ZNF618: variants seen among roughly 807,000 people sequenced by gnomAD.
ZNF618 encodes the protein neural precursor cell expressed, developmentally down-regulated 10.
A neutral mutation model predicts 103.0 loss-of-function variants in ZNF618; 34 were observed. That is an observed-to-expected ratio of 0.33 (90% confidence interval 0.25 to 0.44). The LOEUF (loss-of-function observed/expected upper bound fraction) is 0.44, where lower values mean the gene tolerates loss of function less well. Ranked by LOEUF, ZNF618 falls within the 20% of genes least tolerant of loss-of-function variation. The probability of loss-of-function intolerance (pLI) is 1.00; values close to 1 mark genes in which losing one functional copy is unlikely to be tolerated. For missense variants in ZNF618, 1,059 were observed against 1,295.4 expected, an observed-to-expected ratio of 0.82 and a Z score of 2.80; for synonymous variants, 551 against 542.2, an observed-to-expected ratio of 1.02 and a Z score of -0.23.
At chr9:114,039,568 C>T (rs1844945161) in intron 13 of ZNF618, among the ~76,000 whole-genome samples, 1 of 152,074 alleles carries the variant, frequency 6.6e-6, no homozygotes, top group African/African-American at 2.4e-5. Context: ...CCAGGCTGGC[C>T]TTGAACTCCT....
intron 1 of ZNF618, among the ~76,000 whole-genome samples, chr9:113,943,587 T>C (rs1834741048): frequency 6.6e-6 from 1 of 151,472 alleles, no homozygotes; most frequent in Non-Finnish European, 1.5e-5. Context: ...TGGCCAGATC[T>C]TCTGATTTTT....
chr9:113,897,987 T>C (rs975898003), intron 1 of ZNF618, among the ~76,000 whole-genome samples: 2 of 152,052 alleles, frequency 1.3e-5, no homozygotes, highest in Non-Finnish European at 2.9e-5. Context: ...AAGACAGGAT[T>C]TTTCCATGTT....
rs1403607882 is a variant in ZNF618 at position 114,050,390 on chromosome 9, T to C, written c.*223T>C. 1 of 514,870 alleles carries C rather than the reference T, an allele frequency of 1.9e-6. No individual in the cohort carries two copies. The highest frequency in any genetic ancestry group is 2.0e-5 in the African/African-American group (1 of 51,006). The allele number at this position is 514,870 out of a possible 1,614,324, so 31.9% of individuals were successfully genotyped here. ...TGAACACGTGCTGTGGTTGTGGGGGTGTGGGGGGGTCTCTGTGCTCATCTC... is the reference window on the plus strand; with the variant it reads ...TGAACACGTGCTGTGGTTGTGGGGGCGTGGGGGGGTCTCTGTGCTCATCTC... On this transcript the variant is annotated 3_prime_UTR_variant, in exon 15 of 15. Coordinates refer to ENST00000374126, the MANE Select transcript of ZNF618 (RefSeq NM_001318042.2).
intron 1 of ZNF618, among the ~76,000 whole-genome samples, chr9:113,887,446 T>C (rs1297968851): frequency 6.6e-6 from 1 of 152,158 alleles, no homozygotes; most frequent in Non-Finnish European, 1.5e-5. Context: ...ACCAAAAGAT[T>C]CCAAATTCGT....
chr9:113,966,900 G>A (rs556692687), intron 1 of ZNF618, among the ~76,000 whole-genome samples: 1 of 152,190 alleles, frequency 6.6e-6, no homozygotes, highest in African/African-American at 2.4e-5. Flanking sequence ...TTATGAAAAT[G>A]GGTGGAAAAC....
intron 1 of ZNF618, among the ~76,000 whole-genome samples, chr9:113,968,372 A>G (rs969833780): frequency 2.0e-5 from 3 of 152,332 alleles, no homozygotes; most frequent in Admixed American, 2.0e-4. Context: ...TATGATTCTT[A>G]TTAGAAGTGT....
At chr9:114,002,110 G>A (rs149211364) in intron 5 of ZNF618, 37 bp downstream of exon 5, 44 of 1,579,542 alleles carry the variant, frequency 2.8e-5, no homozygotes, top group East Asian at 2.0e-4. Flanking sequence ...CCCAGGGGCC[G>A]CACCTCCCAC....
chr9:114,024,722 C>A (rs1843350674), intron 10 of ZNF618, among the ~76,000 whole-genome samples: 1 of 152,222 alleles, frequency 6.6e-6, no homozygotes, highest in South Asian at 2.1e-4. Flanking sequence ...TCACTCACTA[C>A]ACAGCCCCCC....
At chr9:114,040,443 C>CA (rs1845049597) in intron 13 of ZNF618, among the ~76,000 whole-genome samples, 1 of 151,834 alleles carries the variant, frequency 6.6e-6, no homozygotes, top group African/African-American at 2.4e-5. Context: ...CACCCATTAA[C>CA]TCGTCATTTA....
At position 113,911,385 on chromosome 9, in the gene ZNF618, A is replaced by G. The variant is rs561659221; in HGVS notation, c.33+34972A>G. Among the ~76,000 whole-genome samples the G allele has an allele frequency of 5.9e-5, 9 of 151,788 alleles. No individual in the cohort carries two copies. The East Asian group carries it at 1.4e-3, about 23-fold the overall frequency. ...CTCTAGTCACCCAGGCTAGAGTACA[A>G]TGGTGCAATCTCGGCTCACTGCAAC... On this transcript the variant is annotated intron_variant, in intron 1 of 14. Coordinates refer to ENST00000374126, the MANE Select transcript of ZNF618 (RefSeq NM_001318042.2).
chr9:113,955,649 G>A (rs552552851), intron 1 of ZNF618, among the ~76,000 whole-genome samples: 2 of 151,776 alleles, frequency 1.3e-5, no homozygotes, highest in South Asian at 2.1e-4. Context: ...TTGAGTTTGA[G>A]CATGTGTTCC....
intron 1 of ZNF618, among the ~76,000 whole-genome samples, chr9:113,965,427 C>G (rs1468235958): frequency 6.6e-6 from 1 of 152,050 alleles, no homozygotes. Context: ...TAGCCTTGCC[C>G]AGGTCCTGAG....
chr9:113,901,378 G>A (rs1830536151), intron 1 of ZNF618, among the ~76,000 whole-genome samples: 1 of 152,218 alleles, frequency 6.6e-6, no homozygotes, highest in Non-Finnish European at 1.5e-5. Flanking sequence ...TGCGGACTTG[G>A]CCAGCCCGGT....
rs113807453 is a variant in ZNF618, at chr9:113,952,608, G to A, written c.34-16509G>A. On this transcript the variant is annotated intron_variant, in intron 1 of 14. Transcript: ENST00000374126. ...TGGGGCCAGATAAGCTTGGGTTCAAGTCCAGGCCCTGCTGCTAACTAGCTG... is the reference window on the plus strand; with the variant it reads ...TGGGGCCAGATAAGCTTGGGTTCAAATCCAGGCCCTGCTGCTAACTAGCTG... 7.0e-3 allele frequency among the ~76,000 whole-genome samples: 1,062 copies of A among 152,358 alleles called. 15 individuals carry two copies. Among genetic ancestry groups the A allele is most frequent in the African/African-American group, 0.024 (995 of 41,582 alleles).
chr9:113,972,721 C>T (rs7021972), intron 2 of ZNF618, among the ~76,000 whole-genome samples: 48,525 of 152,022 alleles, frequency 0.32, 8,337 homozygotes, highest in East Asian at 0.4. Context: ...CTATTACTTA[C>T]ATAGTGACTT....
intron 1 of ZNF618, among the ~76,000 whole-genome samples, chr9:113,938,610 C>T (rs1834258265): frequency 1.4e-5 from 2 of 140,350 alleles, no homozygotes; most frequent in South Asian, 2.2e-4. Context: ...GCTCTATCGT[C>T]CAGGCTAGGG....
At chr9:114,014,937 C>A (rs1842535608) in intron 9 of ZNF618, among the ~76,000 whole-genome samples, 1 of 151,886 alleles carries the variant, frequency 6.6e-6, no homozygotes, top group African/African-American at 2.4e-5. Context: ...ATCCCATGAG[C>A]TTTTAGGTAT....
At chr9:114,031,689 A>G (rs1844055196) in intron 11 of ZNF618, among the ~76,000 whole-genome samples, 1 of 152,232 alleles carries the variant, frequency 6.6e-6, no homozygotes, top group African/African-American at 2.4e-5. Flanking sequence ...AAGTAAATCT[A>G]AATGGGTCTG....
intron 2 of ZNF618, among the ~76,000 whole-genome samples, chr9:113,975,122 G>A (rs1261356404): frequency 6.6e-6 from 1 of 152,092 alleles, no homozygotes; most frequent in Non-Finnish European, 1.5e-5. Context: ...GTAGAGCCTG[G>A]ACATTGGAGA....
Sources: gnomAD v4.1 joint callset for allele counts (sites outside exome capture counted in the v4.1 genomes callset) on GRCh38, gnomAD v4.1.1 for gene constraint, MANE v1.5 for transcripts, NCBI Gene and HGNC (gene_info 2026-07-23, HGNC 2026-07-21) for gene names.